MAP4: variants seen among roughly 807,000 people sequenced by gnomAD.
The protein encoded by MAP4 is microtubule associated protein 4.
A neutral mutation model predicts 170.2 loss-of-function variants in MAP4; 76 were observed. That is an observed-to-expected ratio of 0.45 (90% CI 0.37 to 0.54). The LOEUF is 0.54. Ranked by LOEUF, MAP4 falls within the 20% of genes least tolerant of loss-of-function variation. The pLI is 0.00. For synonymous variants in MAP4, 909 were observed against 994.5 expected, an observed-to-expected ratio of 0.91 and a Z score of 1.62; for missense variants, 2,506 against 2,748.0, an observed-to-expected ratio of 0.91 and a Z score of 1.97.
intron 3 of MAP4, among the ~76,000 whole-genome samples, chr3:47,941,553 G>A (rs978733522): frequency 3.3e-5 from 5 of 151,558 alleles, no homozygotes; most frequent in Admixed American, 6.6e-5. Context: ...CGAGGTGGGC[G>A]GATCAAGAGG....
At chr3:48,011,014 C>T (rs1384178836) in intron 1 of MAP4, among the ~76,000 whole-genome samples, 1 of 152,120 alleles carries the variant, frequency 6.6e-6, no homozygotes, top group Admixed American at 6.6e-5. Flanking sequence ...TTAGTTCTGT[C>T]CCTCTAAGAG....
intron 3 of MAP4, chr3:47,975,441 C>G: frequency 6.4e-7 from 1 of 1,568,734 alleles, no homozygotes; most frequent in South Asian, 1.2e-5. Flanking sequence ...GCAGCAGCCC[C>G]AGTGTTGAGA....
intron 1 of MAP4, among the ~76,000 whole-genome samples, chr3:48,080,577 T>C (rs1011433693): frequency 2.0e-5 from 3 of 152,188 alleles, no homozygotes; most frequent in Non-Finnish European, 4.4e-5. Context: ...CCAGGAACAG[T>C]GGCTCACACC....
chr3:48,071,196 A>G (rs1419869658), intron 1 of MAP4, among the ~76,000 whole-genome samples: 2 of 152,100 alleles, frequency 1.3e-5, no homozygotes, highest in East Asian at 3.9e-4. Context: ...ATGTCTCTGT[A>G]ACTTAGTGAA....
chr3:47,892,487 G>A (rs1267812751), intron 10 of MAP4: 6 of 1,525,046 alleles, frequency 3.9e-6, no homozygotes, highest in East Asian at 2.4e-5. Context: ...GTCTGAGAGC[G>A]ACATCGTCTC....
intron 10 of MAP4, among the ~76,000 whole-genome samples, chr3:47,883,686 CTTTT>C (rs1338300217): frequency 6.6e-6 from 1 of 152,094 alleles, no homozygotes; most frequent in Non-Finnish European, 1.5e-5. Context: ...CTAAAAATGT[CTTTT>C]TTATTTATTT....
At chr3:47,899,269 G>C (rs2100028758) in intron 10 of MAP4, among the ~76,000 whole-genome samples, 1 of 152,100 alleles carries the variant, frequency 6.6e-6, no homozygotes, top group Non-Finnish European at 1.5e-5. Flanking sequence ...CAGGAGCTGG[G>C]ATTACAGGTG....
intron 3 of MAP4, chr3:47,974,152 A>G: frequency 1.0e-6 from 1 of 980,912 alleles, no homozygotes; most frequent in African/African-American, 1.7e-5. Flanking sequence ...CTGGCCAGGC[A>G]CAGTGTCTCA....
intron 1 of MAP4, among the ~76,000 whole-genome samples, chr3:48,003,657 A>G (rs1176129125): frequency 6.6e-6 from 1 of 152,108 alleles, no homozygotes. Context: ...CCCACAGCTC[A>G]GTTTGGTCAG....
rs2053506436 is a variant in MAP4, at chr3:47,855,313, TCTC to T, written c.6628_6630del (p.Glu2210del). The T allele has an allele frequency of 6.2e-7, 1 of 1,613,942 alleles. No individual in the cohort carries two copies. On this transcript the variant is annotated inframe_deletion, in exon 19 of 21. Coordinates refer to ENST00000683076, the MANE Select transcript of MAP4 (RefSeq NM_001385682.1). The surrounding 1 kb of genome is among the most constrained non-coding windows in gnomAD (Gnocchi z 5.1). ...AGGGATCCCACCTTGGCCTGGGCCT[TCTC>T]CTTGAAGTTCAACTTCTGACTTTCA...
In MAP4 at chr3:47,911,815, A is replaced by G; in HGVS notation, c.2606T>C (p.Ile869Thr). Residue 869 changes from isoleucine to threonine, a missense_variant, in exon 9 of 21, where the codon ATA (isoleucine) becomes ACA (threonine). This residue lies in a region of MAP4 where 2,008 missense variants were observed against 2,206.0 expected (regional missense o/e 0.91). Coordinates refer to ENST00000683076, the MANE Select transcript of MAP4 (RefSeq NM_001385682.1). This position sits in a 1 kb window ranked among gnomAD's most constrained non-coding sequence, Gnocchi z 4.0. ...YPSEEAPKTA[I>T]SSQSKLRVEE... ...TACTCTCAGCTTAGACTGAGAACTT[A>G]TTGCAGTTTTGGGGGCTTCTTCAGA... is the stretch of plus-strand genomic sequence containing the variant. 6.5e-7 allele frequency: 1 copy of G among 1,536,050 alleles called. No homozygotes were observed. Among genetic ancestry groups the G allele is most frequent in the Non-Finnish European group, 8.7e-7 (1 of 1,146,894 alleles).
At chr3:47,878,154 G>A (rs769466226) in intron 10 of MAP4, among the ~76,000 whole-genome samples, 28 of 152,164 alleles carry the variant, frequency 1.8e-4, no homozygotes, top group Admixed American at 4.6e-4. Flanking sequence ...CTATACCTGA[G>A]AGCATTAAAA....
intron 1 of MAP4, among the ~76,000 whole-genome samples, chr3:48,035,803 G>C (rs2100118497): frequency 6.6e-6 from 1 of 151,942 alleles, no homozygotes; most frequent in African/African-American, 2.4e-5. Context: ...AGCCAGGTGT[G>C]GTGGCACACA....
At chr3:47,870,082 G>A (rs544088403) in intron 15 of MAP4, among the ~76,000 whole-genome samples, 1 of 152,148 alleles carries the variant, frequency 6.6e-6, no homozygotes, top group Non-Finnish European at 1.5e-5. Flanking sequence ...TGGTGGTGTA[G>A]AGCTAGTGAA....
chr3:47,990,262 T>G (rs188368065), intron 2 of MAP4, among the ~76,000 whole-genome samples: 115 of 152,344 alleles, frequency 7.5e-4, no homozygotes, highest in Middle Eastern at 3.4e-3. Context: ...TTAGTGTTTC[T>G]CAATCATGCA....
intron 1 of MAP4, among the ~76,000 whole-genome samples, chr3:48,086,851 T>C (rs2100149307): frequency 6.6e-6 from 1 of 152,206 alleles, no homozygotes; most frequent in Non-Finnish European, 1.5e-5. Flanking sequence ...CAGTCTCTGG[T>C]GAGTTTGTTT....
chr3:47,893,247 G>A (rs189704995), intron 10 of MAP4, among the ~76,000 whole-genome samples: 2 of 152,132 alleles, frequency 1.3e-5, no homozygotes, highest in Non-Finnish European at 2.9e-5. Flanking sequence ...AGGGCTTTGG[G>A]GATAGATATT....
chr3:47,949,844 C>A (rs73831544), intron 3 of MAP4, among the ~76,000 whole-genome samples: 3 of 151,890 alleles, frequency 2.0e-5, no homozygotes, highest in Non-Finnish European at 2.9e-5. Flanking sequence ...TCATGTGATG[C>A]GTGGGACACC....
In MAP4 at chr3:47,855,718, A is replaced by AG. The variant is rs1158350513; in HGVS notation, c.6584-359_6584-358insC. On this transcript the variant is annotated intron_variant, in intron 18 of 20. Coordinates refer to ENST00000683076, the MANE Select transcript of MAP4 (RefSeq NM_001385682.1). The surrounding 1 kb of genome is among the most constrained non-coding windows in gnomAD (Gnocchi z 5.1). Reference sequence around the variant, plus strand: ...TCTGTGTGGGAATGCCCTCCCGCTAACTGGGCCATGCAGTGCTTCTCAGGC... The same window carrying AG: ...TCTGTGTGGGAATGCCCTCCCGCTAAGCTGGGCCATGCAGTGCTTCTCAGGC... Among the ~76,000 whole-genome samples, 3 of 152,110 alleles carry AG rather than the reference A, an allele frequency of 2.0e-5. No homozygotes were observed. The highest frequency in any genetic ancestry group is 7.2e-5 in the African/African-American group (3 of 41,424).
Sources: allele counts gnomAD v4.1 joint callset (sites outside exome capture counted in the v4.1 genomes callset), GRCh38; gene constraint gnomAD v4.1.1; regional missense constraint gnomAD v4.1.1; non-coding constraint Gnocchi (gnomAD v3.1); transcripts MANE v1.5; gene names NCBI Gene and HGNC (gene_info 2026-07-23, HGNC 2026-07-21).